The following USP46 variants were observed in gnomAD, a reference collection of about 807,000 sequenced individuals.
USP46 encodes ubiquitin carboxyl-terminal hydrolase 46.
USP46 carries 12 observed loss-of-function variants against 44.4 expected under a neutral mutation model. The observed-to-expected ratio is 0.27, with a 90% confidence interval of 0.17 to 0.44. USP46 has a LOEUF of 0.44. USP46 is among the 20% of genes least tolerant of loss of function. The pLI is 1.00. For missense variants in USP46, 248 were observed against 444.8 expected, an observed-to-expected ratio of 0.56 and a Z score of 3.98; for synonymous variants, 155 against 161.5, an observed-to-expected ratio of 0.96 and a Z score of 0.31.
chr4:52,602,809 G>T (rs1013749521), intron 6 of USP46, among the ~76,000 whole-genome samples: 1 of 152,168 alleles, frequency 6.6e-6, no homozygotes, highest in African/African-American at 2.4e-5. Context: ...TAAAGGAATT[G>T]TTCTGTTGTT....
At chr4:52,652,820 T>C (rs1257105075) in intron 1 of USP46, among the ~76,000 whole-genome samples, 3 of 152,168 alleles carry the variant, frequency 2.0e-5, no homozygotes, top group Non-Finnish European at 4.4e-5. Flanking sequence ...AATGTATATA[T>C]AGTATTTTAT....
intron 7 of USP46, among the ~76,000 whole-genome samples, chr4:52,600,979 GAA>G (rs1716447310): frequency 6.6e-6 from 1 of 152,212 alleles, no homozygotes; most frequent in Non-Finnish European, 1.5e-5. Flanking sequence ...CTTCAGATGT[GAA>G]GTTATACAGT....
Position 52,598,676 on chromosome 4 carries a change from A to C in USP46, c.951T>G (p.Ile317Met). ...SGPNRGHYIT[I>M]VKSHGFWLLF... ...AAAGCCAGAAGCCGTGACTTTTCAC[A>C]ATAGTGATATAATGCCCACGATTAG... Residue 317 changes from isoleucine (I) to methionine (M), a missense_variant, in exon 8 of 9, where the codon ATT (isoleucine) becomes ATG (methionine). Transcript: ENST00000441222. 1 of 1,610,406 alleles carries C rather than the reference A, an allele frequency of 6.2e-7. No homozygotes were observed.
chr4:52,655,051 C>T (rs1718902190), intron 1 of USP46, among the ~76,000 whole-genome samples: 1 of 152,200 alleles, frequency 6.6e-6, no homozygotes, highest in Non-Finnish European at 1.5e-5. Flanking sequence ...CTCACATTGA[C>T]TACAATCATG....
intron 1 of USP46, among the ~76,000 whole-genome samples, chr4:52,642,332 C>T (rs1037486225): frequency 6.6e-6 from 1 of 152,306 alleles, no homozygotes; most frequent in African/African-American, 2.4e-5. Context: ...CTGCTACTGG[C>T]CTTATTTTAA....
intron 5 of USP46, among the ~76,000 whole-genome samples, chr4:52,609,666 G>A (rs1235548381): frequency 6.6e-6 from 1 of 152,156 alleles, no homozygotes; most frequent in African/African-American, 2.4e-5. Flanking sequence ...TCTAGATTAG[G>A]TGTGATGTAA....
intron 1 of USP46, among the ~76,000 whole-genome samples, chr4:52,640,460 T>C (rs935488971): frequency 6.6e-6 from 1 of 152,178 alleles, no homozygotes; most frequent in African/African-American, 2.4e-5. Flanking sequence ...GAAGTGGCTT[T>C]TCTTATTATC....
chr4:52,616,565 G>T (rs1717157521), intron 4 of USP46, among the ~76,000 whole-genome samples: 1 of 152,082 alleles, frequency 6.6e-6, no homozygotes, highest in South Asian at 2.1e-4. Context: ...TAGAGACAGG[G>T]TTTCACCATG....
At chr4:52,598,808 T>C in intron 7 of USP46, 102 bp from the exon 8 acceptor site, 1 of 1,117,296 alleles carries the variant, frequency 9.0e-7, no homozygotes, top group Non-Finnish European at 1.3e-6. Context: ...GAAAAAAAAC[T>C]ATGTCATCAG....
intron 7 of USP46, among the ~76,000 whole-genome samples, chr4:52,600,589 C>CTG (rs1353014726): frequency 2.6e-5 from 4 of 152,116 alleles, no homozygotes; most frequent in African/African-American, 9.7e-5. Context: ...GTTCCCTTAC[C>CTG]TGTGTCTCTG....
Position 52,636,563 on chromosome 4 carries a change from G to C in USP46, c.37-5419C>G, listed in dbSNP as rs112597079. 4.0e-3 allele frequency among the ~76,000 whole-genome samples: 605 copies of C among 151,568 alleles called. 6 individuals carry two copies. The highest frequency in any genetic ancestry group is 0.014 in the African/African-American group (568 of 41,328). Reference sequence around the variant, plus strand: ...TCTAGTAAAAATACAAAAATTAGCCGGGCATGATAGCAGGCACCTGTAGTC... The same window carrying C: ...TCTAGTAAAAATACAAAAATTAGCCCGGCATGATAGCAGGCACCTGTAGTC... On this transcript the variant is annotated intron_variant, in intron 1 of 8. Transcript: ENST00000441222.
intron 1 of USP46, among the ~76,000 whole-genome samples, chr4:52,641,424 C>T (rs1322176584): frequency 2.0e-5 from 3 of 152,046 alleles, no homozygotes; most frequent in Admixed American, 2.0e-4. Context: ...GGGGTGCTAC[C>T]AAAACACAAA....
chr4:52,656,157 G>T, intron 1 of USP46: 1 of 773,444 alleles, frequency 1.3e-6, no homozygotes, highest in Non-Finnish European at 2.2e-6. Context: ...TAAACGATGT[G>T]CTTAAGAAAA....
chr4:52,597,612 A>G lies in USP46; in HGVS notation c.*28T>C. ...TGACAGTGCTGTGAACATTCTCCCC[A>G]CGTGAATCAGTCCCGCAGGTCTTTC... is the stretch of plus-strand genomic sequence containing the variant. On this transcript the variant is annotated 3_prime_UTR_variant, in exon 9 of 9. Transcript: ENST00000441222. The G allele has an allele frequency of 6.7e-7, 1 of 1,485,414 alleles. No individual in the cohort carries two copies. Among genetic ancestry groups the G allele is most frequent in the Non-Finnish European group, 9.2e-7 (1 of 1,085,492 alleles). 92.0% of individuals were successfully genotyped at this position (1,485,414 alleles called of 1,614,324 possible).
At position 52,597,700 on chromosome 4, in the gene USP46, C is replaced by T. The variant is rs781202508; in HGVS notation, c.1041G>A (p.Thr347=). ...AQAIEEFYGL[T]SDISKNSESG... The stretch of plus-strand genomic sequence containing the variant: ...ATTCTGAATTTTTTGATATATCTGA[C>T]GTCAGGCCATAGAATTCTTCAATAG... The change falls in exon 9 of 9, where the codon ACG becomes ACA. Residue 347 remains threonine (T), a synonymous_variant. Transcript: ENST00000441222. The T allele has an allele frequency of 2.2e-5, 36 of 1,603,372 alleles. No homozygotes were observed. The highest frequency in any genetic ancestry group is 1.0e-4 in the South Asian group (9 of 88,732).
intron 1 of USP46, among the ~76,000 whole-genome samples, chr4:52,643,951 T>G (rs1247362391): frequency 3.3e-5 from 5 of 152,188 alleles, no homozygotes; most frequent in Non-Finnish European, 7.3e-5. Flanking sequence ...TAGCTACAGA[T>G]GTAAGGCTTG....
At chr4:52,643,633 T>C (rs983858467) in intron 1 of USP46, among the ~76,000 whole-genome samples, 7 of 152,240 alleles carry the variant, frequency 4.6e-5, no homozygotes, top group Non-Finnish European at 1.5e-5. Flanking sequence ...TCTGGTTGTA[T>C]AGAAGGCACT....
Position 52,596,417 on chromosome 4 carries a change from T to A in USP46, c.*1223A>T, listed in dbSNP as rs1716243600. On this transcript the variant is annotated 3_prime_UTR_variant, in exon 9 of 9. Transcript: ENST00000441222. ...CTAATAAATACATATATAACAAAAG[T>A]GAAAAAAGTAACTATAGTGAGATGA... 6.6e-6 allele frequency: 1 copy of A among 152,062 alleles called. No individual in the cohort carries two copies. The allele number at this position is 152,062 out of a possible 1,614,324, so 9.4% of individuals were successfully genotyped here.
chr4:52,659,053 G>A lies in USP46; in HGVS notation c.36+62C>T. The A allele has an allele frequency of 2.0e-6, 3 of 1,515,846 alleles. No homozygotes were observed. The highest frequency in any genetic ancestry group is 2.7e-6 in the Non-Finnish European group (3 of 1,131,590). 93.9% of individuals were successfully genotyped at this position (1,515,846 alleles called of 1,614,324 possible). A position where few individuals can be genotyped will look rare whatever the true frequency, so the allele number is the denominator to read the frequency against. On this transcript the variant is annotated intron_variant, in intron 1 of 8. Coordinates refer to ENST00000441222, the MANE Select transcript of USP46 (RefSeq NM_022832.4). The surrounding 1 kb of genome is among the most constrained non-coding windows in gnomAD (Gnocchi z 4.2). ...AGCCACCGGGCGTGTGTGCAGCTCG[G>A]GCTTCCCTTTCTTTGCCTCGCCGCG...
Sources: gnomAD v4.1 joint callset for allele counts (sites outside exome capture counted in the v4.1 genomes callset) on GRCh38, gnomAD v4.1.1 for gene constraint, Gnocchi (gnomAD v3.1) non-coding constraint, MANE v1.5 for transcripts, NCBI Gene and HGNC (gene_info 2026-07-23, HGNC 2026-07-21) for gene names.